Variants in FHOD3 observed in about 807,000 individuals in gnomAD.
The protein encoded by FHOD3 is formin homology 2 domain containing 3, also known as FH1/FH2 domain-containing protein 3.
A neutral mutation model predicts 173.0 loss-of-function variants in FHOD3; 90 were observed. That is an observed-to-expected ratio of 0.52 (90% CI 0.44 to 0.62). The LOEUF (loss-of-function observed/expected upper bound fraction) is 0.62, where lower values mean the gene tolerates loss of function less well. Among genes scored for constraint, FHOD3 ranks in the 20% least tolerant of loss-of-function variants. The pLI is 0.00. For synonymous variants in FHOD3, 828 were observed against 823.0 expected (o/e 1.01, Z -0.10); for missense variants, 1,945 against 2,034.7 (o/e 0.96, Z 0.85).
chr18:36,736,953 A>G (rs188386417), intron 20 of FHOD3, among the ~76,000 whole-genome samples: 22 of 152,334 alleles, frequency 1.4e-4, no homozygotes, highest in African/African-American at 4.8e-4. Flanking sequence ...TGATCGTGCA[A>G]TTATCAATAA....
At chr18:36,411,049 T>C (rs1368406492) in intron 3 of FHOD3, among the ~76,000 whole-genome samples, 2 of 152,218 alleles carry the variant, frequency 1.3e-5, no homozygotes, top group Admixed American at 6.5e-5. Flanking sequence ...TTCTTTTTGC[T>C]TGTAATTTTA....
intron 3 of FHOD3, among the ~76,000 whole-genome samples, chr18:36,460,183 A>G (rs1355932888): frequency 6.6e-6 from 1 of 152,152 alleles, no homozygotes; most frequent in Non-Finnish European, 1.5e-5. Context: ...AGCATTTGTC[A>G]GACTGTCCCC....
At chr18:36,521,448 C>T (rs958711512) in intron 5 of FHOD3, among the ~76,000 whole-genome samples, 2 of 152,156 alleles carry the variant, frequency 1.3e-5, no homozygotes, top group African/African-American at 2.4e-5. Flanking sequence ...CCCAACAAAG[C>T]GTAATCATTC....
At chr18:36,486,681 C>G (rs1188138283) in intron 3 of FHOD3, among the ~76,000 whole-genome samples, 2 of 152,172 alleles carry the variant, frequency 1.3e-5, no homozygotes, top group Non-Finnish European at 2.9e-5. Context: ...CTTTATCAAC[C>G]TTATTGACGA....
chr18:36,418,544 A>G (rs1192978728), intron 3 of FHOD3, among the ~76,000 whole-genome samples: 2 of 152,154 alleles, frequency 1.3e-5, no homozygotes, highest in African/African-American at 4.8e-5. Flanking sequence ...TGTGTGTGGA[A>G]GGCACATGGC....
At chr18:36,601,405 A>C (rs1050300392) in intron 7 of FHOD3, among the ~76,000 whole-genome samples, 2 of 152,072 alleles carry the variant, frequency 1.3e-5, no homozygotes, top group African/African-American at 4.8e-5. Context: ...TGCTTTTCTT[A>C]CTGTGTGCAT....
intron 3 of FHOD3, among the ~76,000 whole-genome samples, chr18:36,374,869 A>G (rs935234916): frequency 4.6e-5 from 7 of 152,324 alleles, no homozygotes; most frequent in African/African-American, 1.4e-4. Flanking sequence ...TTGTTTTCAA[A>G]AGGATTTTCT....
intron 3 of FHOD3, among the ~76,000 whole-genome samples, chr18:36,474,668 G>A (rs1252774701): frequency 6.6e-6 from 1 of 152,142 alleles, no homozygotes. Flanking sequence ...AAACCCCACG[G>A]AAGAAACATG....
At chr18:36,428,531 C>T (rs560199689) in intron 3 of FHOD3, among the ~76,000 whole-genome samples, 19 of 152,168 alleles carry the variant, frequency 1.2e-4, no homozygotes, top group South Asian at 2.1e-4. Flanking sequence ...AGAAGAGCAA[C>T]GAGGCTTCTG....
intron 2 of FHOD3, among the ~76,000 whole-genome samples, chr18:36,371,165 CTGAA>C (rs1299956552): frequency 1.3e-5 from 2 of 152,150 alleles, no homozygotes; most frequent in Non-Finnish European, 2.9e-5. Flanking sequence ...TGAGGGGACT[CTGAA>C]TGCAGACTCT....
chr18:36,465,303 G>C (rs1003136175), intron 3 of FHOD3, among the ~76,000 whole-genome samples: 1 of 152,180 alleles, frequency 6.6e-6, no homozygotes, highest in Non-Finnish European at 1.5e-5. Context: ...ACTCCAGCCT[G>C]GGTGACAGAG....
intron 1 of FHOD3, among the ~76,000 whole-genome samples, chr18:36,340,570 C>T (rs12104117): frequency 0.058 from 7,910 of 136,042 alleles, 424 homozygotes; most frequent in African/African-American, 0.14. Context: ...GTTTGTATGA[C>T]GGCTTTCTCT....
intron 3 of FHOD3, among the ~76,000 whole-genome samples, chr18:36,396,058 T>G (rs1434637102): frequency 1.3e-5 from 2 of 152,222 alleles, no homozygotes; most frequent in Non-Finnish European, 2.9e-5. Context: ...TATAATATCC[T>G]TGGCCAACAT....
At chr18:36,531,430 C>A (rs2056774718) in intron 5 of FHOD3, among the ~76,000 whole-genome samples, 1 of 152,180 alleles carries the variant, frequency 6.6e-6, no homozygotes, top group East Asian at 1.9e-4. Flanking sequence ...ACAGTCACAG[C>A]CATTCCTGTC....
chr18:36,602,832 C>A, intron 8 of FHOD3, 64 bp downstream of exon 8: 1 of 1,264,478 alleles, frequency 7.9e-7, no homozygotes, highest in Non-Finnish European at 1.2e-6. Flanking sequence ...GCCCTGACCC[C>A]TGGTATCTGT....
At chr18:36,444,519 T>G (rs1438373271) in intron 3 of FHOD3, among the ~76,000 whole-genome samples, 4 of 152,132 alleles carry the variant, frequency 2.6e-5, no homozygotes, top group African/African-American at 4.8e-5. Context: ...CACTATCCTG[T>G]TCTCATTCCC....
At chr18:36,399,911 G>C (rs1469830291) in intron 3 of FHOD3, among the ~76,000 whole-genome samples, 1 of 152,172 alleles carries the variant, frequency 6.6e-6, no homozygotes, top group Non-Finnish European at 1.5e-5. Context: ...AACAGGCCAG[G>C]CCTGAGGGTT....
intron 19 of FHOD3, among the ~76,000 whole-genome samples, chr18:36,721,257 C>T (rs980854030): frequency 1.6e-4 from 24 of 152,184 alleles, no homozygotes; most frequent in African/African-American, 5.1e-4. Context: ...CCAAAAACCC[C>T]TACCTTTGTC....
At chr18:36,497,628 TA>T (rs751085625) in intron 3 of FHOD3, among the ~76,000 whole-genome samples, 1 of 152,066 alleles carries the variant, frequency 6.6e-6, no homozygotes, top group Non-Finnish European at 1.5e-5. Flanking sequence ...TACATAGCAA[TA>T]AAAGTTCAAT....
Sources: gnomAD v4.1 joint callset for allele counts (sites outside exome capture counted in the v4.1 genomes callset) on GRCh38, gnomAD v4.1.1 for gene constraint, MANE v1.5 for transcripts, NCBI Gene and HGNC (gene_info 2026-07-23, HGNC 2026-07-21) for gene names.